The following MRM1 variants were observed in gnomAD, a reference collection of about 807,000 sequenced individuals.
MRM1 encodes rRNA methyltransferase 1, mitochondrial.
A neutral mutation model predicts 25.0 loss-of-function variants in MRM1; 24 were observed. That is an observed-to-expected ratio of 0.96 (90% CI 0.69 to 1.35). The LOEUF (loss-of-function observed/expected upper bound fraction) is 1.35, where lower values mean the gene tolerates loss of function less well. MRM1 is among the 40% of genes most tolerant of loss of function. The pLI, the probability that MRM1 is intolerant of heterozygous loss-of-function variation, is 0.00. For missense variants in MRM1, 431 were observed against 464.1 expected (o/e 0.93, Z 0.65); for synonymous variants, 188 against 199.2 (o/e 0.94, Z 0.47).
chr17:36,612,218 ACT>A (rs1186004486), downstream of MRM1, among the ~76,000 whole-genome samples: 3 of 150,500 alleles, frequency 2.0e-5, no homozygotes, highest in Admixed American at 6.6e-5. Flanking sequence ...CATCTAGAAG[ACT>A]CTCCTGGGCT....
downstream of MRM1, among the ~76,000 whole-genome samples, chr17:36,610,302 G>A (rs886066399): frequency 6.6e-6 from 1 of 150,456 alleles, no homozygotes; most frequent in African/African-American, 2.5e-5. Flanking sequence ...GCGCGATCTC[G>A]GCTCACTGAA....
chr17:36,628,920 G>GGA, the MRM1 span, among the ~76,000 whole-genome samples: 1 of 151,340 alleles, frequency 6.6e-6, no homozygotes, highest in East Asian at 1.9e-4. Flanking sequence ...GATCAAGGAT[G>GGA]GAGAGAGAGA....
the MRM1 span, among the ~76,000 whole-genome samples, chr17:36,627,823 G>A: frequency 6.6e-6 from 1 of 151,752 alleles, no homozygotes; most frequent in South Asian, 2.1e-4. Context: ...ACAGGCACAC[G>A]CCACCACGCC....
At chr17:36,633,276 G>A in the MRM1 span, among the ~76,000 whole-genome samples, 1 of 152,202 alleles carries the variant, frequency 6.6e-6, no homozygotes, top group Admixed American at 6.5e-5. Flanking sequence ...GGTGTTGGAG[G>A]AAGACTGGAG....
the MRM1 span, among the ~76,000 whole-genome samples, chr17:36,628,373 C>T: frequency 6.6e-6 from 1 of 152,216 alleles, no homozygotes; most frequent in Non-Finnish European, 1.5e-5. Context: ...TGCCTGGGAA[C>T]ATTCAGTTCA....
At chr17:36,605,309 T>C (rs2074919173) in intron 2 of MRM1, among the ~76,000 whole-genome samples, 1 of 151,310 alleles carries the variant, frequency 6.6e-6, no homozygotes, top group Admixed American at 6.6e-5. Context: ...GTGCACACCA[T>C]CTCACCTAAT....
downstream of MRM1, among the ~76,000 whole-genome samples, chr17:36,613,537 C>G (rs1168495628): frequency 6.6e-6 from 1 of 152,202 alleles, no homozygotes; most frequent in African/African-American, 2.4e-5. Context: ...CCCTCTGCCT[C>G]CCCTTCCCCA....
the MRM1 span, among the ~76,000 whole-genome samples, chr17:36,627,367 G>C: frequency 6.6e-6 from 1 of 152,214 alleles, no homozygotes; most frequent in Non-Finnish European, 1.5e-5. Context: ...CCTCACTTAG[G>C]ATGATTACCT....
the MRM1 span, among the ~76,000 whole-genome samples, chr17:36,617,582 G>A: frequency 2.6e-5 from 4 of 151,986 alleles, no homozygotes; most frequent in South Asian, 2.1e-4. Context: ...TTTGAGTAGA[G>A]GCGGGGTTTC....
rs1250494760 is a variant in MRM1, at chr17:36,607,964, C to G, written c.835C>G (p.Pro279Ala). 3 of 1,614,030 alleles carry G rather than the reference C, an allele frequency of 1.9e-6. No homozygotes were observed. The highest frequency in any genetic ancestry group is 2.5e-6 in the Non-Finnish European group (3 of 1,180,034). ...ASCQLLLTIL[P>A]RRQLPPGLES... Reference sequence around the variant, plus strand: ...CTGCCAGCTTCTCCTCACCATCCTGCCCCGGCGCCAGCTGCCTCCTGGACT... The same window carrying G: ...CTGCCAGCTTCTCCTCACCATCCTGGCCCGGCGCCAGCTGCCTCCTGGACT... Residue 279 changes from proline to alanine, a missense_variant, in exon 4 of 5, where the codon CCC becomes GCC. Coordinates refer to ENST00000614766, the MANE Select transcript of MRM1 (RefSeq NM_024864.5).
intron 2 of MRM1, among the ~76,000 whole-genome samples, chr17:36,606,747 A>C (rs553289036): frequency 6.6e-6 from 1 of 151,650 alleles, no homozygotes; most frequent in Non-Finnish European, 1.5e-5. Context: ...AGCTGGGACT[A>C]CAGGCATGTG....
chr17:36,609,847 C>A (rs1005880048), downstream of MRM1, among the ~76,000 whole-genome samples: 4 of 152,236 alleles, frequency 2.6e-5, no homozygotes, highest in Non-Finnish European at 4.4e-5. Context: ...TCTCTGGAAT[C>A]CATCTGCATT....
chr17:36,625,145 G>A, the MRM1 span, among the ~76,000 whole-genome samples: 4 of 152,116 alleles, frequency 2.6e-5, no homozygotes, highest in African/African-American at 9.7e-5. Flanking sequence ...GTTCCAGTAG[G>A]CTCCTCACCT....
At chr17:36,605,454 G>A (rs569449742) in intron 2 of MRM1, among the ~76,000 whole-genome samples, 9 of 151,740 alleles carry the variant, frequency 5.9e-5, no homozygotes, top group African/African-American at 9.7e-5. Flanking sequence ...GATTACAGGC[G>A]TGAGCCACCT....
rs756435484 is a variant in MRM1 at position 36,607,821 on chromosome 17, G to A, written c.769+19G>A. 3.3e-5 allele frequency: 53 copies of A among 1,612,932 alleles called. No homozygotes were observed. The highest frequency in any genetic ancestry group is 4.4e-5 in the Non-Finnish European group (52 of 1,179,302). Reference sequence around the variant, plus strand: ...GTGCTGGGTAGGTGGATGTCCCTGCGTTTGTGCCCAGATTACATTTCCCGA... The same window carrying A: ...GTGCTGGGTAGGTGGATGTCCCTGCATTTGTGCCCAGATTACATTTCCCGA... On this transcript the variant is annotated intron_variant, in intron 3 of 4. Transcript: ENST00000614766.
chr17:36,603,608 C>T (rs1053239319), intron 2 of MRM1, among the ~76,000 whole-genome samples: 2 of 152,012 alleles, frequency 1.3e-5, no homozygotes, highest in South Asian at 2.1e-4. Context: ...TATGTTGGTC[C>T]GGCTGTTCTT....
chr17:36,601,781 G>A lies in MRM1; in HGVS notation c.-30G>A. Reference sequence around the variant, plus strand: ...TTACCGCTCCCGGGGACGCAGCAAGGGGCATCGAGTCCCTGGCGGGAGCTG... The same window carrying A: ...TTACCGCTCCCGGGGACGCAGCAAGAGGCATCGAGTCCCTGGCGGGAGCTG... On this transcript the variant is annotated 5_prime_UTR_variant, in exon 1 of 5. Transcript: ENST00000614766. 6.6e-7 allele frequency: 1 copy of A among 1,517,148 alleles called. No homozygotes were observed. Among genetic ancestry groups the A allele is most frequent in the Non-Finnish European group, 8.8e-7 (1 of 1,135,814 alleles). 94.0% of individuals were successfully genotyped at this position (1,517,148 alleles called of 1,614,324 possible).
the MRM1 span, among the ~76,000 whole-genome samples, chr17:36,624,094 C>A: frequency 6.6e-6 from 1 of 152,196 alleles, no homozygotes; most frequent in South Asian, 2.1e-4. The surrounding 1 kb of genome is among the most constrained non-coding windows in gnomAD (Gnocchi z 4.0). Flanking sequence ...ACCCTGGGCA[C>A]CACCGCCAAG....
the MRM1 span, among the ~76,000 whole-genome samples, chr17:36,619,536 C>T: frequency 6.6e-6 from 1 of 152,006 alleles, no homozygotes; most frequent in South Asian, 2.1e-4. Flanking sequence ...GGTGTGGTAG[C>T]GCATGCCTGT....
Sources: allele counts gnomAD v4.1 joint callset (sites outside exome capture counted in the v4.1 genomes callset), GRCh38; gene constraint gnomAD v4.1.1; non-coding constraint Gnocchi (gnomAD v3.1); transcripts MANE v1.5; gene names NCBI Gene and HGNC (gene_info 2026-07-23, HGNC 2026-07-21).